The following SLC9B1 variants were observed in gnomAD, a reference collection of about 807,000 sequenced individuals.
SLC9B1 encodes solute carrier family 9 member B1.
In SLC9B1, 32 loss-of-function variants were observed where a neutral mutation model predicts 51.7. That is an observed-to-expected ratio of 0.62 (90% CI 0.47 to 0.83). The LOEUF (loss-of-function observed/expected upper bound fraction) is 0.83, where lower values mean the gene tolerates loss of function less well. Among genes scored for constraint, SLC9B1 ranks in the 40% least tolerant of loss-of-function variants. The pLI is 0.00. For synonymous variants in SLC9B1, 145 were observed against 212.7 expected (o/e 0.68, Z 2.77); for missense variants, 406 against 613.2 (o/e 0.66, Z 3.57).
At chr4:103,016,442 A>G (rs1741346460) in intron 1 of SLC9B1, among the ~76,000 whole-genome samples, 2 of 152,146 alleles carry the variant, frequency 1.3e-5, no homozygotes, top group South Asian at 4.1e-4. Flanking sequence ...TACTACGTCA[A>G]TTTCTGCCCA....
chr4:102,905,661 T>C lies in SLC9B1; in HGVS notation c.1196-11A>G. The C allele has an allele frequency of 6.2e-7, 1 of 1,601,984 alleles. No individual in the cohort carries two copies. Among genetic ancestry groups the C allele is most frequent in the South Asian group, 1.1e-5 (1 of 88,540 alleles). On this transcript the variant is annotated splice_polypyrimidine_tract_variant and intron_variant, in intron 10 of 11. Transcript: ENST00000296422. ...TGGCAACAGATATGCCTACAACAGA[T>C]GAAAACAAACATAAATAACAAAATA...
In SLC9B1 at chr4:102,989,935, T is replaced by A. The variant is rs144726764; in HGVS notation, c.76A>T (p.Ile26Phe). ...TCCTGTGCAGTATTATTAGGATCAA[T>A]GAGACTCTGTAGTAAAACAAGAAAA... is the stretch of plus-strand genomic sequence containing the variant. ...FQTSTTPQSL[I>F]DPNNTAQEET... Residue 26 changes from isoleucine to phenylalanine, a missense_variant, in exon 3 of 12, where the codon ATT (isoleucine) becomes TTT (phenylalanine). Physicochemically the swap from Ile to Phe is conservative, Grantham distance 21 (BLOSUM62 0). This residue lies in a region of SLC9B1 where 108 missense variants were observed against 94.5 expected (regional missense o/e 1.14). Transcript: ENST00000296422. The A allele has an allele frequency of 6.3e-7, 1 of 1,579,258 alleles. No homozygotes were observed.
intron 7 of SLC9B1, among the ~76,000 whole-genome samples, chr4:102,931,067 A>G (rs1056295773): frequency 2.6e-5 from 4 of 151,792 alleles, no homozygotes; most frequent in African/African-American, 9.7e-5. Flanking sequence ...TACTAAAAAT[A>G]TAAAAAAAAT....
At chr4:102,939,406 CAAAAAAAAAA>C (rs56014819) in intron 6 of SLC9B1, among the ~76,000 whole-genome samples, 1 of 68,264 alleles carries the variant, frequency 1.5e-5, no homozygotes, top group East Asian at 4.7e-4. Flanking sequence ...GTCTCTGAGC[CAAAAAAAAAA>C]AAAAAAAAAA....
chr4:102,939,154 A>G (rs1353743243), intron 6 of SLC9B1, among the ~76,000 whole-genome samples: 5 of 151,590 alleles, frequency 3.3e-5, no homozygotes, highest in African/African-American at 7.3e-5. Flanking sequence ...AAAAAAAAAA[A>G]AGAGAGAGAG....
chr4:102,922,915 T>C (rs1735956370), intron 7 of SLC9B1, among the ~76,000 whole-genome samples: 1 of 152,044 alleles, frequency 6.6e-6, no homozygotes, highest in Non-Finnish European at 1.5e-5. Flanking sequence ...CAATAATTAA[T>C]AGCCTACCAA....
At chr4:102,939,117 G>GA (rs1736860820) in intron 6 of SLC9B1, among the ~76,000 whole-genome samples, 1 of 150,450 alleles carries the variant, frequency 6.6e-6, no homozygotes, top group East Asian at 2.0e-4. Flanking sequence ...AAATAAATTG[G>GA]ATAGGTCACT....
intron 3 of SLC9B1, among the ~76,000 whole-genome samples, chr4:102,965,784 TAAA>T (rs59363262): frequency 2.0e-5 from 3 of 147,828 alleles, no homozygotes; most frequent in African/African-American, 7.4e-5. Context: ...TGTAAAATAA[TAAA>T]AAAAAAAACA....
intron 7 of SLC9B1, among the ~76,000 whole-genome samples, chr4:102,927,419 T>C (rs1736241215): frequency 6.6e-6 from 1 of 152,162 alleles, no homozygotes; most frequent in African/African-American, 2.4e-5. Flanking sequence ...GGCAAAGATA[T>C]GAATAGACAC....
At chr4:102,993,352 C>G (rs186471277) in intron 1 of SLC9B1, among the ~76,000 whole-genome samples, 42 of 152,308 alleles carry the variant, frequency 2.8e-4, no homozygotes, top group Admixed American at 6.5e-4. Context: ...TCCAATAGGG[C>G]AATCAGTAAA....
intron 7 of SLC9B1, among the ~76,000 whole-genome samples, chr4:102,917,084 C>T (rs1021836615): frequency 2.6e-5 from 4 of 152,244 alleles, no homozygotes; most frequent in Non-Finnish European, 4.4e-5. Context: ...TATGCACTTT[C>T]TCTCTCTTCC....
Position 102,905,506 on chromosome 4 carries a change from G to A in SLC9B1, c.1332+8C>T, listed in dbSNP as rs768976181. 12 of 1,606,476 alleles carry A rather than the reference G, an allele frequency of 7.5e-6. No individual in the cohort carries two copies. Among genetic ancestry groups the A allele is most frequent in the Admixed American group, 3.4e-5 (2 of 59,148 alleles). ...AAGCATTAAGCAACAGGCTTAATAT[G>A]TTCTTACCTGTACTGTAGCTTTGGG... On this transcript the variant is annotated splice_region_variant and intron_variant, in intron 11 of 11. Transcript: ENST00000296422.
chr4:102,996,388 C>T (rs76874960), intron 1 of SLC9B1, among the ~76,000 whole-genome samples: 2,691 of 152,170 alleles, frequency 0.018, 32 homozygotes, highest in Non-Finnish European at 0.023. Flanking sequence ...TTTAATTTGG[C>T]CCAATTTATT....
At chr4:102,940,115 T>A (rs974360462) in intron 6 of SLC9B1, among the ~76,000 whole-genome samples, 1 of 152,110 alleles carries the variant, frequency 6.6e-6, no homozygotes, top group African/African-American at 2.4e-5. Context: ...CATAGTAGCC[T>A]CTCAAGAGCT....
chr4:102,935,117 C>T (rs2110462128), intron 6 of SLC9B1, among the ~76,000 whole-genome samples: 1 of 151,740 alleles, frequency 6.6e-6, no homozygotes, highest in Non-Finnish European at 1.5e-5. Context: ...ATATAATTTA[C>T]AAATACATAT....
At chr4:102,962,698 G>A (rs1738201908) in intron 3 of SLC9B1, 1 of 470,654 alleles carries the variant, frequency 2.1e-6, no homozygotes, top group East Asian at 6.8e-5. Context: ...TCACTCAACA[G>A]CTGCTAAGGG....
chr4:102,945,282 A>G lies in SLC9B1; in HGVS notation c.564T>C (p.Ala188=), dbSNP rs1034475296. The change falls in exon 6 of 12, where the codon GCT becomes GCC. Residue 188 remains alanine (A), a synonymous_variant. Transcript: ENST00000296422. ...RHLKVVCFRL[A]VGPCLMEASA... ...TTGCCTCCATAAGGCATGGACCTAC[A>G]GCCAATCTGAAACAAACGACCTTCA... The G allele has an allele frequency of 2.5e-6, 4 of 1,602,210 alleles. No homozygotes were observed. In the African/African-American group the frequency reaches 5.3e-5, roughly 21 times the overall value.
At chr4:102,940,469 A>G (rs957779748) in intron 6 of SLC9B1, among the ~76,000 whole-genome samples, 16 of 152,276 alleles carry the variant, frequency 1.1e-4, no homozygotes, top group African/African-American at 2.9e-4. Flanking sequence ...CTATCATACT[A>G]TCAATGACAT....
At chr4:102,994,965 A>G (rs1244184803) in intron 1 of SLC9B1, among the ~76,000 whole-genome samples, 1 of 152,172 alleles carries the variant, frequency 6.6e-6, no homozygotes, top group Admixed American at 6.5e-5. Flanking sequence ...ATCAAACCAT[A>G]TCAAATGACT....
Sources: gnomAD v4.1 joint callset for allele counts (sites outside exome capture counted in the v4.1 genomes callset) on GRCh38, gnomAD v4.1.1 for gene constraint, gnomAD v4.1.1 regional missense constraint, MANE v1.5 for transcripts, NCBI Gene and HGNC (gene_info 2026-07-23, HGNC 2026-07-21) for gene names.